CLVS1: variants seen among roughly 807,000 people sequenced by gnomAD.
The protein encoded by CLVS1 is clavesin 1.
Under a neutral mutation model 33.1 loss-of-function variants are expected in CLVS1, and 10 were observed. That is an observed-to-expected ratio of 0.30 (90% confidence interval 0.19 to 0.51). CLVS1 has a LOEUF of 0.51. Ranked by LOEUF, CLVS1 falls within the 20% of genes least tolerant of loss-of-function variation. The pLI, the probability that CLVS1 is intolerant of heterozygous loss-of-function variation, is 0.97. For synonymous variants in CLVS1, 163 were observed against 166.1 expected (o/e 0.98, Z 0.14); for missense variants, 343 against 433.4 (o/e 0.79, Z 1.85).
At chr8:61,189,115 GC>G (rs771764386) in intron 2 of CLVS1, among the ~76,000 whole-genome samples, 1 of 152,158 alleles carries the variant, frequency 6.6e-6, no homozygotes, top group Admixed American at 6.6e-5. Context: ...ATTAAGGGCA[GC>G]CAGAGAGAAA....
the CLVS1 span, among the ~76,000 whole-genome samples, chr8:60,969,213 G>T: frequency 6.6e-6 from 1 of 152,196 alleles, no homozygotes; most frequent in Non-Finnish European, 1.5e-5. Flanking sequence ...CAAAGCTGTA[G>T]TTATGGCTGT....
intron 4 of CLVS1, among the ~76,000 whole-genome samples, chr8:61,454,465 G>C (rs926221981): frequency 6.6e-6 from 1 of 152,040 alleles, no homozygotes; most frequent in Non-Finnish European, 1.5e-5. Context: ...GTTATTTTCG[G>C]AGTCCCAGTG....
chr8:60,997,948 G>GTGTGTGTTTGTGTGTGTGTGTT, the CLVS1 span, among the ~76,000 whole-genome samples: 1 of 150,306 alleles, frequency 6.7e-6, no homozygotes, highest in Non-Finnish European at 1.5e-5. Flanking sequence ...GTGTGTGTGT[G>GTGTGTGTTTGTGTGTGTGTGTT]TGTGTGTTTG....
At chr8:61,161,367 C>T (rs918398292) in intron 2 of CLVS1, among the ~76,000 whole-genome samples, 24 of 152,208 alleles carry the variant, frequency 1.6e-4, no homozygotes, top group African/African-American at 4.8e-4. Flanking sequence ...TGCACTCCCA[C>T]GTTCATTGCA....
At chr8:61,170,173 C>T (rs1158742560) in intron 2 of CLVS1, among the ~76,000 whole-genome samples, 7 of 151,986 alleles carry the variant, frequency 4.6e-5, no homozygotes, top group African/African-American at 9.7e-5. Flanking sequence ...ACCATTTTAC[C>T]GATAAGATAG....
At chr8:61,425,431 TA>T (rs35416536) in intron 3 of CLVS1, among the ~76,000 whole-genome samples, 18,287 of 152,024 alleles carry the variant, frequency 0.12, 1,195 homozygotes, top group African/African-American at 0.16. Flanking sequence ...GTGATTTTTT[TA>T]AAAAAAATAA....
At chr8:61,362,678 G>T (rs1426268193) in intron 2 of CLVS1, among the ~76,000 whole-genome samples, 1 of 152,166 alleles carries the variant, frequency 6.6e-6, no homozygotes, top group East Asian at 1.9e-4. Flanking sequence ...GAAAGGAGGT[G>T]AATTTACCTC....
At chr8:61,429,184 G>T (rs1300877793) in intron 3 of CLVS1, among the ~76,000 whole-genome samples, 3 of 152,096 alleles carry the variant, frequency 2.0e-5, no homozygotes, top group Non-Finnish European at 2.9e-5. Context: ...CACTTTGGGA[G>T]GCCGAGGTAG....
chr8:61,096,415 A>G (rs1194018703), intron 1 of CLVS1, among the ~76,000 whole-genome samples: 1 of 152,214 alleles, frequency 6.6e-6, no homozygotes, highest in East Asian at 1.9e-4. Flanking sequence ...AAAAATCAGG[A>G]TATGTATTTG....
Position 61,390,941 on chromosome 8 carries a change from A to G in CLVS1, c.630+14162A>G, listed in dbSNP as rs1303494817. 4 of 151,572 alleles carry G rather than the reference A, an allele frequency of 2.6e-5. No homozygotes were observed. The East Asian group carries it at 5.8e-4, about 22-fold the overall frequency. The allele number at this position is 151,572 out of a possible 1,614,324, so 9.4% of individuals were successfully genotyped here. ...ATAGCAAGTCTTTATCCCAAATGTT[A>G]TATAAAACTCACTAGTGTTTTCTTC... On this transcript the variant is annotated intron_variant, in intron 3 of 5. Transcript: ENST00000325897.
intron 2 of CLVS1, among the ~76,000 whole-genome samples, chr8:61,319,160 T>G (rs1380763425): frequency 7.9e-5 from 12 of 152,194 alleles, no homozygotes; most frequent in Admixed American, 7.9e-4. Context: ...GTCATGTTGT[T>G]TGTGGTTTTT....
At chr8:61,393,828 T>C (rs186080984) in intron 3 of CLVS1, among the ~76,000 whole-genome samples, 11 of 152,314 alleles carry the variant, frequency 7.2e-5, no homozygotes, top group South Asian at 2.1e-4. Flanking sequence ...TGAAGTGGAC[T>C]CTGTGGGAGT....
rs145184659 is a variant in CLVS1, at chr8:61,130,463, C to T, written c.-242-1307C>T. ...ACAAAATGAATGAATGGATATATAA[C>T]GAATTAGTTCACCTATCTGTCATCA... On this transcript the variant is annotated intron_variant, in intron 1 of 2. Coordinates refer to the CLVS1 transcript ENST00000522621. Among the ~76,000 whole-genome samples the T allele has an allele frequency of 3.6e-3, 552 of 151,968 alleles. 4 individuals carry two copies. Among genetic ancestry groups the T allele is most frequent in the African/African-American group, 0.012 (485 of 41,456 alleles).
intron 3 of CLVS1, among the ~76,000 whole-genome samples, chr8:61,438,548 AT>A: frequency 6.6e-6 from 1 of 152,312 alleles, no homozygotes; most frequent in Admixed American, 6.5e-5. Context: ...ATACCCAGTA[AT>A]GGGATTACTG....
intron 5 of CLVS1, among the ~76,000 whole-genome samples, chr8:61,470,466 G>A (rs908869296): frequency 1.3e-5 from 2 of 152,216 alleles, no homozygotes; most frequent in Non-Finnish European, 2.9e-5. Flanking sequence ...ACTGTGTTAT[G>A]TTCTGAAAAA....
intron 2 of CLVS1, among the ~76,000 whole-genome samples, chr8:61,309,707 T>C (rs1427911191): frequency 6.6e-6 from 1 of 152,210 alleles, no homozygotes; most frequent in Non-Finnish European, 1.5e-5. Flanking sequence ...CTTCAAATGT[T>C]ACCAGTCACT....
At chr8:61,481,879 G>C (rs1818207762) in intron 5 of CLVS1, among the ~76,000 whole-genome samples, 1 of 152,224 alleles carries the variant, frequency 6.6e-6, no homozygotes, top group African/African-American at 2.4e-5. Flanking sequence ...TTGGAGATCT[G>C]AGAGTGGACA....
chr8:61,131,530 A>G (rs899545496), intron 1 of CLVS1, among the ~76,000 whole-genome samples: 1 of 152,148 alleles, frequency 6.6e-6, no homozygotes, highest in Non-Finnish European at 1.5e-5. Context: ...GAAGGTAGGG[A>G]AGAAAAGGGA....
At chr8:61,318,949 T>C (rs1437205197) in intron 2 of CLVS1, among the ~76,000 whole-genome samples, 1 of 152,144 alleles carries the variant, frequency 6.6e-6, no homozygotes, top group Non-Finnish European at 1.5e-5. Flanking sequence ...CTATAGTTTT[T>C]ATTCTTATAA....
Sources: gnomAD v4.1 joint callset for allele counts (sites outside exome capture counted in the v4.1 genomes callset) on GRCh38, gnomAD v4.1.1 for gene constraint, MANE v1.5 for transcripts, NCBI Gene and HGNC (gene_info 2026-07-23, HGNC 2026-07-21) for gene names.